ERBB3: variants seen among roughly 807,000 people sequenced by gnomAD.
The protein encoded by ERBB3 is erb-b2 receptor tyrosine kinase 3.
In ERBB3, 96 loss-of-function variants were observed where a neutral mutation model predicts 156.7. The ratio of observed to expected loss-of-function variants is 0.61; its 90% CI spans 0.52 to 0.73. The LOEUF (loss-of-function observed/expected upper bound fraction) is 0.73. ERBB3 is among the 30% of genes least tolerant of loss of function. The pLI, the probability that ERBB3 is intolerant of heterozygous loss-of-function variation, is 0.00. For missense variants in ERBB3, 1,406 were observed against 1,709.4 expected (o/e 0.82, Z 3.13); for synonymous variants, 567 against 632.0 (o/e 0.90, Z 1.54).
In ERBB3 at chr12:56,092,730, T is replaced by A; in HGVS notation, c.1110-17T>A. 6.2e-7 allele frequency: 1 copy of A among 1,601,170 alleles called. No individual in the cohort carries two copies. Among genetic ancestry groups the A allele is most frequent in the East Asian group, 2.2e-5 (1 of 44,826 alleles). On this transcript the variant is annotated splice_polypyrimidine_tract_variant and intron_variant, in intron 9 of 27. Coordinates refer to ENST00000267101, the MANE Select transcript of ERBB3 (RefSeq NM_001982.4). The stretch of plus-strand genomic sequence containing the variant: ...TATACCTTTACCTTATTGACTGGTT[T>A]CTACTGTTCTATTCAGAGACCCCTG...
chr12:56,088,492 CTGG>C, intron 7 of ERBB3, 48 bp from the exon 8 acceptor site: 1 of 1,353,626 alleles, frequency 7.4e-7, no homozygotes, highest in Non-Finnish European at 1.1e-6. Flanking sequence ...CCATTGGTAG[CTGG>C]TGATGTTCCT....
chr12:56,093,277 C>G, intron 11 of ERBB3, 68 bp from the exon 12 acceptor site: 1 of 1,451,752 alleles, frequency 6.9e-7, no homozygotes, highest in Non-Finnish European at 9.7e-7. Flanking sequence ...TCTTGACTAA[C>G]ATGAATCCTT....
rs547182987 is a variant in ERBB3 at position 56,100,248 on chromosome 12, A to G, written c.3201+3A>G. Reference sequence around the variant, plus strand: ...GTAATCTTGGGGAGTCTTGCCAGGTAAGTTCTGTTGCTGAGAGGCTGGGTT... The same window carrying G: ...GTAATCTTGGGGAGTCTTGCCAGGTGAGTTCTGTTGCTGAGAGGCTGGGTT... On this transcript the variant is annotated splice_donor_region_variant and intron_variant, in intron 26 of 27. Coordinates refer to ENST00000267101, the MANE Select transcript of ERBB3 (RefSeq NM_001982.4). The G allele has an allele frequency of 4.3e-6, 7 of 1,611,056 alleles. No homozygotes were observed. The Admixed American group carries it at 1.2e-4, about 27-fold the overall frequency.
At chr12:56,085,703 G>T (rs1170812884) in intron 3 of ERBB3, 1 of 161,348 alleles carries the variant, frequency 6.2e-6, no homozygotes, top group South Asian at 1.9e-4. Context: ...GGTGGAGGTT[G>T]CAGTGAGCTG....
In ERBB3 at chr12:56,102,832, A is replaced by C. The variant is rs376657820; in HGVS notation, c.*777A>C. 84 of 216,082 alleles carry C rather than the reference A, an allele frequency of 3.9e-4. 1 individual carries two copies. The highest frequency in any genetic ancestry group is 1.8e-3 in the African/African-American group (78 of 44,176). The allele number at this position is 216,082 out of a possible 1,614,324, so 13.4% of individuals were successfully genotyped here. A position where few individuals can be genotyped will look rare whatever the true frequency, so the allele number is the denominator to read the frequency against. ...AAAAAAAAAAAAAAAAAAAAAAAAA[A>C]AACTTTAGAACTGGGTGCAGTGGCT... On this transcript the variant is annotated 3_prime_UTR_variant, in exon 28 of 28. Coordinates refer to ENST00000267101, the MANE Select transcript of ERBB3 (RefSeq NM_001982.4).
rs1487867476 is a variant in ERBB3, at chr12:56,099,661, T to C, written c.2853T>C (p.Asp951=). The C allele has an allele frequency of 2.5e-6, 4 of 1,611,928 alleles. No individual in the cohort carries two copies. In the South Asian group the frequency reaches 3.3e-5, roughly 13 times the overall value. The change falls in exon 24 of 28, where the codon GAT becomes GAC. Residue 951 remains aspartate (D), a synonymous_variant. Transcript: ENST00000267101. ...TCTTATCTCCAGGTTGGATGATTGA[T>C]GAGAACATTCGCCCAACCTTTAAAG... ...YMVMVKCWMI[D]ENIRPTFKEL... is the part of the protein sequence containing the mutation.
chr12:56,080,435 T>C lies in ERBB3; in HGVS notation c.82+53T>C. 2.1e-6 allele frequency: 3 copies of C among 1,416,020 alleles called. No individual in the cohort carries two copies. The African/African-American group carries it at 4.2e-5, about 20-fold the overall frequency. 87.7% of individuals were successfully genotyped at this position (1,416,020 alleles called of 1,614,324 possible). On this transcript the variant is annotated intron_variant, in intron 1 of 27. Transcript: ENST00000267101. ...TCGGCACCTGGGAGCCGGAACCCAGTGCGCGCAGCCTCGGAGGGTATGGGC... is the reference window on the plus strand; with the variant it reads ...TCGGCACCTGGGAGCCGGAACCCAGCGCGCGCAGCCTCGGAGGGTATGGGC...
chr12:56,081,733 G>A (rs1388277497), intron 1 of ERBB3, among the ~76,000 whole-genome samples: 1 of 152,050 alleles, frequency 6.6e-6, no homozygotes, highest in East Asian at 1.9e-4. Flanking sequence ...CTGGGCATCC[G>A]GCCCTGTCTC....
chr12:56,088,774 C>G lies in ERBB3; in HGVS notation c.1015C>G (p.Arg339Gly), dbSNP rs763264762. The change falls in exon 9 of 28, where the codon CGC (arginine) becomes GGC (glycine). Residue 339 changes from arginine to glycine, a missense_variant. Physicochemically the swap from Arg to Gly is moderately radical, Grantham distance 125 (BLOSUM62 -2). This residue lies in a region of ERBB3 where 979 missense variants were observed against 1,219.6 expected (regional missense o/e 0.80). Transcript: ENST00000267101. ...CTGTGAGGGAACAGGCTCTGGGAGC[C>G]GCTTCCAGACTGTGGACTCGAGCAA... ...KACEGTGSGS[R>G]FQTVDSSNID... The G allele has an allele frequency of 6.2e-7, 1 of 1,614,088 alleles. No homozygotes were observed. Among genetic ancestry groups the G allele is most frequent in the Admixed American group, 1.7e-5 (1 of 60,016 alleles).
intron 3 of ERBB3, chr12:56,085,501 T>C: frequency 1.6e-6 from 2 of 1,272,358 alleles, no homozygotes; most frequent in Non-Finnish European, 2.0e-6. Flanking sequence ...TCCCAGCATT[T>C]TGGGAGGCCA....
intron 15 of ERBB3, among the ~76,000 whole-genome samples, chr12:56,094,892 G>A (rs967306444): frequency 1.2e-4 from 18 of 151,944 alleles, no homozygotes; most frequent in African/African-American, 3.1e-4. Context: ...CAGAGGTTGC[G>A]GTGAGCTGAG....
chr12:56,093,090 A>G lies in ERBB3; in HGVS notation c.1274+14A>G. On this transcript the variant is annotated intron_variant, in intron 11 of 27. Coordinates refer to ENST00000267101, the MANE Select transcript of ERBB3 (RefSeq NM_001982.4). ...AAGCCTCTACAAGTGAGTAAAGGGT[A>G]TGGAGGAAATGGCATCTTCAGGCAA... is the stretch of plus-strand genomic sequence containing the variant. 6.4e-7 allele frequency: 1 copy of G among 1,564,404 alleles called. No homozygotes were observed. Among genetic ancestry groups the G allele is most frequent in the South Asian group, 1.1e-5 (1 of 90,124 alleles).
At position 56,097,153 on chromosome 12, in the gene ERBB3, C is replaced by T. The variant is rs144510847; in HGVS notation, c.2383C>T (p.Leu795=). Residue 795 remains leucine, a synonymous_variant, in exon 20 of 28, where the codon CTG becomes TTG. Coordinates refer to ENST00000267101, the MANE Select transcript of ERBB3 (RefSeq NM_001982.4). ...LVTQYLPLGS[L]LDHVRQHRGA... ...CACTCAATATTTGCCTCTGGGTTCTCTGCTGGATCATGTGAGACAACACCG... is the reference window on the plus strand; with the variant it reads ...CACTCAATATTTGCCTCTGGGTTCTTTGCTGGATCATGTGAGACAACACCG... 121 of 1,614,062 alleles carry T rather than the reference C, an allele frequency of 7.5e-5. No individual in the cohort carries two copies. The highest frequency in any genetic ancestry group is 1.0e-4 in the Non-Finnish European group (118 of 1,180,050).
At position 56,102,323 on chromosome 12, in the gene ERBB3, C is replaced by T; in HGVS notation, c.*268C>T. The T allele has an allele frequency of 4.1e-6, 2 of 493,438 alleles. No homozygotes were observed. Among genetic ancestry groups the T allele is most frequent in the Non-Finnish European group, 7.4e-6 (2 of 271,528 alleles). The allele number at this position is 493,438 out of a possible 1,614,324, so 30.6% of individuals were successfully genotyped here. On this transcript the variant is annotated 3_prime_UTR_variant, in exon 28 of 28. Coordinates refer to ENST00000267101, the MANE Select transcript of ERBB3 (RefSeq NM_001982.4). Reference sequence around the variant, plus strand: ...TCCCAGTCCCATTCCTCAGCTTCTTCACAGGCACTCCTGGAGATATGAAGG... The same window carrying T: ...TCCCAGTCCCATTCCTCAGCTTCTTTACAGGCACTCCTGGAGATATGAAGG...
Position 56,099,703 on chromosome 12 carries a change from C to T in ERBB3, c.2895C>T (p.Phe965=). The change falls in exon 24 of 28, where the codon TTC becomes TTT. Residue 965 remains phenylalanine, a synonymous_variant. Transcript: ENST00000267101. ...RPTFKELANE[F]TRMARDPPRY... is the part of the protein sequence containing the mutation. Reference sequence around the variant, plus strand: ...CCTTTAAAGAACTAGCCAATGAGTTCACCAGGATGGCCCGAGACCCACCAC... The same window carrying T: ...CCTTTAAAGAACTAGCCAATGAGTTTACCAGGATGGCCCGAGACCCACCAC... The T allele has an allele frequency of 6.2e-7, 1 of 1,614,116 alleles. No homozygotes were observed. The highest frequency in any genetic ancestry group is 8.5e-7 in the Non-Finnish European group (1 of 1,180,004).
chr12:56,082,913 T>C (rs1868371237), intron 1 of ERBB3, among the ~76,000 whole-genome samples: 2 of 152,198 alleles, frequency 1.3e-5, no homozygotes, highest in Non-Finnish European at 2.9e-5. Context: ...CAGGTTCCTC[T>C]GTATTTGCTG....
chr12:56,088,286 A>C (rs896201815), intron 7 of ERBB3, 124 bp downstream of exon 7: 4 of 1,077,016 alleles, frequency 3.7e-6, no homozygotes, highest in Non-Finnish European at 5.6e-6. Flanking sequence ...GGTTATGATC[A>C]TCTAACCACT....
intron 10 of ERBB3, 73 bp from the exon 11 acceptor site, chr12:56,092,913 T>C: frequency 1.3e-6 from 2 of 1,537,620 alleles, no homozygotes; most frequent in Non-Finnish European, 1.8e-6. Flanking sequence ...CGTCCCAAGT[T>C]ATAGGGGAGG....
chr12:56,101,428 T>C, intron 27 of ERBB3, 67 bp downstream of exon 27: 1 of 1,599,924 alleles, frequency 6.3e-7, no homozygotes, highest in East Asian at 2.2e-5. Context: ...TCCTCTTTTT[T>C]CTTCTCTGAT....
Sources: gnomAD v4.1 joint callset for allele counts (sites outside exome capture counted in the v4.1 genomes callset) on GRCh38, gnomAD v4.1.1 for gene constraint, gnomAD v4.1.1 regional missense constraint, MANE v1.5 for transcripts, NCBI Gene and HGNC (gene_info 2026-07-23, HGNC 2026-07-21) for gene names.